FYB1: variants seen among roughly 807,000 people sequenced by gnomAD.
FYB1 encodes the protein FYN-binding protein 1.
A neutral mutation model predicts 94.1 loss-of-function variants in FYB1; 41 were observed. The ratio of observed to expected loss-of-function variants is 0.44; its 90% CI spans 0.34 to 0.57. FYB1 has a LOEUF of 0.57. Ranked by LOEUF, FYB1 falls within the 20% of genes least tolerant of loss-of-function variation. The pLI is 0.02. For synonymous variants in FYB1, 367 were observed against 353.2 expected (o/e 1.04, Z -0.44); for missense variants, 1,050 against 976.8 (o/e 1.07, Z -1.00).
At chr5:39,147,354 G>A (rs933564054) in intron 3 of FYB1, among the ~76,000 whole-genome samples, 5 of 151,230 alleles carry the variant, frequency 3.3e-5, no homozygotes, top group African/African-American at 1.2e-4. Context: ...ACTGCAGGCT[G>A]GACCTCTCAG....
chr5:39,124,267 G>A lies in FYB1; in HGVS notation c.2057C>T (p.Pro686Leu). The A allele has an allele frequency of 1.3e-6, 2 of 1,555,436 alleles. No individual in the cohort carries two copies. The highest frequency in any genetic ancestry group is 4.7e-5 in the East Asian group (2 of 42,352). Residue 686 changes from proline to leucine, a missense_variant, in exon 13 of 19, where the codon CCT becomes CTT. Coordinates refer to ENST00000512982, the MANE Select transcript of FYB1 (RefSeq NM_001465.6). ...DNNEGSSFPAPPKQLDMGDEV... is the reference protein window; with the variant it reads ...DNNEGSSFPALPKQLDMGDEV... ...TTATTACTTACCCAATTGTTTAGGA[G>A]GAGCAGGGAAACTACAAAGAAAGTG...
chr5:39,191,995 T>C (rs181730668), intron 2 of FYB1, among the ~76,000 whole-genome samples: 1 of 152,322 alleles, frequency 6.6e-6, no homozygotes, highest in African/African-American at 2.4e-5. Flanking sequence ...ATATCAGAAA[T>C]AGTTTTAATC....
chr5:39,227,918 T>G (rs1198190274), intron 1 of FYB1, among the ~76,000 whole-genome samples: 2 of 152,186 alleles, frequency 1.3e-5, no homozygotes, highest in Non-Finnish European at 2.9e-5. Flanking sequence ...CCCAAAATGT[T>G]TTTCACTGGG....
intron 2 of FYB1, chr5:39,169,804 T>G (rs904189195): frequency 5.9e-6 from 3 of 504,484 alleles, no homozygotes; most frequent in Non-Finnish European, 1.2e-5. Flanking sequence ...TCCAAAAGAA[T>G]TTTCTTCAGT....
intron 9 of FYB1, among the ~76,000 whole-genome samples, chr5:39,132,705 T>C (rs1232101021): frequency 6.6e-6 from 1 of 152,240 alleles, no homozygotes; most frequent in Non-Finnish European, 1.5e-5. Context: ...TCTGGATTTG[T>C]TATTTTTTTC....
intron 2 of FYB1, among the ~76,000 whole-genome samples, chr5:39,184,141 T>C (rs1746517049): frequency 6.6e-6 from 1 of 152,166 alleles, no homozygotes; most frequent in Admixed American, 6.5e-5. Flanking sequence ...TCTAGGGTAA[T>C]TTTGTGATCT....
intron 1 of FYB1, among the ~76,000 whole-genome samples, chr5:39,257,006 T>A (rs1367483025): frequency 6.6e-6 from 1 of 152,224 alleles, no homozygotes; most frequent in Non-Finnish European, 1.5e-5. Context: ...TTTCACTGTT[T>A]TCACTAGATT....
rs748593739 is a variant in FYB1 at position 39,130,635 on chromosome 5, T to C, written c.1818-23A>G. On this transcript the variant is annotated intron_variant, in intron 9 of 18. Transcript: ENST00000512982. The stretch of plus-strand genomic sequence containing the variant: ...TGGCTAGAAAAGAAACCCAGAAATA[T>C]TAAGTTAATCTATGAATTACTTAGC... 274 of 1,553,656 alleles carry C rather than the reference T, an allele frequency of 1.8e-4. 1 individual carries two copies. In the East Asian group the frequency reaches 6.2e-3, roughly 35 times the overall value.
chr5:39,240,057 T>A (rs1029027883), intron 1 of FYB1, among the ~76,000 whole-genome samples: 1 of 152,048 alleles, frequency 6.6e-6, no homozygotes, highest in Non-Finnish European at 1.5e-5. Flanking sequence ...GCAAAGTCAA[T>A]ATAACAAGCA....
chr5:39,168,788 T>C (rs1295527830), intron 2 of FYB1, among the ~76,000 whole-genome samples: 1 of 144,278 alleles, frequency 6.9e-6, no homozygotes, highest in Admixed American at 6.8e-5. Context: ...GAATATGTAA[T>C]AATCATTCAT....
intron 12 of FYB1, 146 bp downstream of exon 12, chr5:39,125,852 C>G (rs550017101): frequency 7.0e-6 from 5 of 713,938 alleles, no homozygotes; most frequent in Non-Finnish European, 1.1e-5. Flanking sequence ...ACACCATAAA[C>G]GGGGCTAAGA....
chr5:39,248,639 C>G (rs890128278), intron 1 of FYB1, among the ~76,000 whole-genome samples: 6 of 152,124 alleles, frequency 3.9e-5, no homozygotes, highest in Non-Finnish European at 8.8e-5. Context: ...GAGTTCGAGA[C>G]CAGCCTGGCC....
intron 1 of FYB1, among the ~76,000 whole-genome samples, chr5:39,265,018 G>A (rs949801872): frequency 1.3e-5 from 2 of 152,186 alleles, no homozygotes; most frequent in Admixed American, 6.5e-5. Context: ...AGCAGCGTCA[G>A]CCTCATCTGA....
chr5:39,147,492 G>C (rs888463232), intron 3 of FYB1, among the ~76,000 whole-genome samples: 2 of 130,050 alleles, frequency 1.5e-5, no homozygotes, highest in Admixed American at 8.0e-5. Context: ...GTGTGTCTGT[G>C]TGTGTGTATT....
rs79958594 is a variant in FYB1 at position 39,118,640 on chromosome 5, T to C, written c.2401+234A>G. Among the ~76,000 whole-genome samples the C allele has an allele frequency of 0.011, 1,677 of 152,298 alleles. 79 individuals carry two copies. The East Asian group carries it at 0.14, about 13-fold the overall frequency. On this transcript the variant is annotated intron_variant, in intron 16 of 18. Coordinates refer to ENST00000512982, the MANE Select transcript of FYB1 (RefSeq NM_001465.6). The stretch of plus-strand genomic sequence containing the variant: ...CATTTTGAGAAGCAGTAATTTGGCA[T>C]TATCTTTGACACCGAGTATATAGAT...
chr5:39,267,241 T>A (rs1307350836), intron 1 of FYB1, among the ~76,000 whole-genome samples: 1 of 152,132 alleles, frequency 6.6e-6, no homozygotes, highest in African/African-American at 2.4e-5. Context: ...TGGAAACTAT[T>A]TATTTGGGGC....
chr5:39,134,772 A>G (rs1444536900), intron 8 of FYB1, 83 bp downstream of exon 8: 4 of 1,445,500 alleles, frequency 2.8e-6, no homozygotes, highest in Admixed American at 1.9e-5. Flanking sequence ...CTCGATGCCT[A>G]TGACGAGTTC....
chr5:39,196,433 G>T (rs1392557883), intron 2 of FYB1, among the ~76,000 whole-genome samples: 2 of 152,104 alleles, frequency 1.3e-5, no homozygotes, highest in Non-Finnish European at 2.9e-5. Context: ...GATCTCAGGT[G>T]TTCAGCCCGC....
chr5:39,141,595 G>A (rs957172535), intron 3 of FYB1, among the ~76,000 whole-genome samples: 4 of 152,176 alleles, frequency 2.6e-5, no homozygotes, highest in African/African-American at 7.2e-5. Context: ...TTCCAGACCA[G>A]CCTGGGCAAC....
Sources: allele counts gnomAD v4.1 joint callset (sites outside exome capture counted in the v4.1 genomes callset), GRCh38; gene constraint gnomAD v4.1.1; transcripts MANE v1.5; gene names NCBI Gene and HGNC (gene_info 2026-07-23, HGNC 2026-07-21).